ADAM11: variants seen among roughly 807,000 people sequenced by gnomAD.
ADAM11 encodes the protein disintegrin and metalloproteinase domain-containing protein 11.
Under a neutral mutation model 119.1 loss-of-function variants are expected in ADAM11, and 49 were observed. The ratio of observed to expected loss-of-function variants is 0.41; its 90% CI spans 0.33 to 0.52. ADAM11 has a LOEUF of 0.52. ADAM11 is among the 20% of genes least tolerant of loss of function. The pLI, the probability that ADAM11 is intolerant of heterozygous loss-of-function variation, is 0.20. For missense variants in ADAM11, 777 were observed against 1,047.5 expected (o/e 0.74, Z 3.56); for synonymous variants, 364 against 408.0 (o/e 0.89, Z 1.30).
At position 44,759,771 on chromosome 17, in the gene ADAM11, C is replaced by G. The variant is rs1430272335; in HGVS notation, c.111C>G (p.Pro37=). ...GAGCTCTGCGATGGGGGGGCTTACC[C>G]CAGCTGGGAGGCCCAGGAGCCCCTG... is the stretch of plus-strand genomic sequence containing the variant. ...PAGALRWGGL[P]QLGGPGAPEV... Residue 37 remains proline, a synonymous_variant, in exon 2 of 27, where the codon CCC becomes CCG. Coordinates refer to ENST00000200557, the MANE Select transcript of ADAM11 (RefSeq NM_002390.6). The G allele has an allele frequency of 6.8e-6, 9 of 1,325,332 alleles. No individual in the cohort carries two copies. The highest frequency in any genetic ancestry group is 8.7e-6 in the Non-Finnish European group (9 of 1,030,146). The allele number at this position is 1,325,332 out of a possible 1,614,324, so 82.1% of individuals were successfully genotyped here.
chr17:44,769,674 A>G (rs1280466804), intron 2 of ADAM11, 44 bp from the exon 3 acceptor site: 1 of 1,422,838 alleles, frequency 7.0e-7, no homozygotes, highest in Admixed American at 1.7e-5. Context: ...TCCCACCTTC[A>G]GGCCTCCCTG....
intron 14 of ADAM11, 43 bp downstream of exon 14, chr17:44,774,792 GGA>G: frequency 6.3e-7 from 1 of 1,585,340 alleles, no homozygotes; most frequent in African/African-American, 1.4e-5. Flanking sequence ...TTGGGCGAGG[GGA>G]GTCTTAGAGC....
Position 44,773,251 on chromosome 17 carries a change from T to A in ADAM11, c.826-10T>A, listed in dbSNP as rs745908481. ...ACTCCCACCCTCCAGCCCCCTCATC[T>A]TCTCCCCAGATATACAAGGAGCAGC... is the stretch of plus-strand genomic sequence containing the variant. On this transcript the variant is annotated splice_polypyrimidine_tract_variant and intron_variant, in intron 10 of 26. Coordinates refer to ENST00000200557, the MANE Select transcript of ADAM11 (RefSeq NM_002390.6). The surrounding 1 kb of genome is among the most constrained non-coding windows in gnomAD (Gnocchi z 4.6). 1 of 1,593,338 alleles carries A rather than the reference T, an allele frequency of 6.3e-7. No homozygotes were observed. The highest frequency in any genetic ancestry group is 8.6e-7 in the Non-Finnish European group (1 of 1,166,686).
chr17:44,773,206 C>T lies in ADAM11; in HGVS notation c.826-55C>T, dbSNP rs1001596303. 21 of 1,602,896 alleles carry T rather than the reference C, an allele frequency of 1.3e-5. No homozygotes were observed. The highest frequency in any genetic ancestry group is 1.7e-5 in the Non-Finnish European group (20 of 1,171,342). ...TGGAGAGAACAGACAGGCCCTCCTC[C>T]AGCCCTGGCCCCAACACCCACTCCC... On this transcript the variant is annotated intron_variant, in intron 10 of 26. Coordinates refer to ENST00000200557, the MANE Select transcript of ADAM11 (RefSeq NM_002390.6). The surrounding 1 kb of genome is among the most constrained non-coding windows in gnomAD (Gnocchi z 4.6).
Position 44,771,843 on chromosome 17 carries a change from AC to A in ADAM11, c.543+13del. ...GGGGAGCCCCTCAGGTAAGCCCCAC[AC>A]AACCCCTTGCCATCCTCTCTGGTGG... On this transcript the variant is annotated intron_variant, in intron 6 of 26. Coordinates refer to ENST00000200557, the MANE Select transcript of ADAM11 (RefSeq NM_002390.6). 6.3e-7 allele frequency: 1 copy of A among 1,598,654 alleles called. No individual in the cohort carries two copies. The highest frequency in any genetic ancestry group is 1.1e-5 in the South Asian group (1 of 90,622).
intron 4 of ADAM11, among the ~76,000 whole-genome samples, chr17:44,771,036 C>T (rs2049516746): frequency 6.6e-6 from 1 of 152,126 alleles, no homozygotes; most frequent in Non-Finnish European, 1.5e-5. Context: ...ATTGTTTGAA[C>T]CCGGGAGGCG....
At chr17:44,769,670 C>T in intron 2 of ADAM11, 48 bp from the exon 3 acceptor site, 1 of 1,442,168 alleles carries the variant, frequency 6.9e-7, no homozygotes, top group Non-Finnish European at 9.7e-7. Context: ...CGACTCCCAC[C>T]TTCAGGCCTC....
rs1409015310 is a variant in ADAM11, at chr17:44,780,481, AC to A, written c.*728del. The A allele has an allele frequency of 3.6e-6, 1 of 274,108 alleles. No homozygotes were observed. The highest frequency in any genetic ancestry group is 7.0e-6 in the Non-Finnish European group (1 of 141,930). The allele number at this position is 274,108 out of a possible 1,614,324, so 17.0% of individuals were successfully genotyped here. ...GGCCTAGGTTATGGGTACGGCAACC[AC>A]ATGTCCCAGATCGTCTCCAATTCGA... is the stretch of plus-strand genomic sequence containing the variant. On this transcript the variant is annotated 3_prime_UTR_variant, in exon 27 of 27. Coordinates refer to ENST00000200557, the MANE Select transcript of ADAM11 (RefSeq NM_002390.6).
intron 2 of ADAM11, among the ~76,000 whole-genome samples, chr17:44,766,314 T>C (rs2049450030): frequency 2.0e-5 from 3 of 152,198 alleles, no homozygotes; most frequent in Admixed American, 6.5e-5. Context: ...ATCCTAAGGC[T>C]CCTTAGTCTC....
In ADAM11 at chr17:44,777,582, G is replaced by C; in HGVS notation, c.1882G>C (p.Gly628Arg). 1 of 1,614,156 alleles carries C rather than the reference G, an allele frequency of 6.2e-7. No homozygotes were observed. The highest frequency in any genetic ancestry group is 1.1e-5 in the South Asian group (1 of 91,076). ...DISSVTFYHQ[G>R]KELDCRGGHV... ...CAGTAGTGTCACCTTCTACCACCAG[G>C]GCAAGGAGCTGGACTGCAGGTGCTG... Residue 628 changes from glycine (G) to arginine (R), a missense_variant, in exon 22 of 27, where the codon GGC becomes CGC. This residue lies in a region of ADAM11 where 348 missense variants were observed against 486.7 expected (regional missense o/e 0.72). Transcript: ENST00000200557. This position sits in a 1 kb window ranked among gnomAD's most constrained non-coding sequence, Gnocchi z 5.1.
At chr17:44,769,626 T>C (rs8070918) in intron 2 of ADAM11, 92 bp from the exon 3 acceptor site, 654,535 of 751,816 alleles carry the variant, frequency 0.87, 285,483 homozygotes, top group Middle Eastern at 0.91. Context: ...TGGCCACCCC[T>C]TCCCCAGGGC....
chr17:44,771,529 C>A, intron 4 of ADAM11, 55 bp from the exon 5 acceptor site: 2 of 1,563,210 alleles, frequency 1.3e-6, no homozygotes, highest in Non-Finnish European at 1.8e-6. Flanking sequence ...CCTTGAGGCC[C>A]ATTGGCTGCC....
At chr17:44,769,685 G>T (rs779923878) in intron 2 of ADAM11, 33 bp from the exon 3 acceptor site, 8 of 1,539,048 alleles carry the variant, frequency 5.2e-6, no homozygotes, top group Non-Finnish European at 7.2e-6. Flanking sequence ...GGCCTCCCTG[G>T]GTTGACTCCC....
At position 44,777,379 on chromosome 17, in the gene ADAM11, C is replaced by T. The variant is rs1223416988; in HGVS notation, c.1782-103C>T. The T allele has an allele frequency of 5.3e-6, 8 of 1,520,526 alleles. No individual in the cohort carries two copies. The highest frequency in any genetic ancestry group is 2.7e-5 in the African/African-American group (2 of 73,146). 94.2% of individuals were successfully genotyped at this position (1,520,526 alleles called of 1,614,324 possible). On this transcript the variant is annotated intron_variant, in intron 21 of 26. Transcript: ENST00000200557. The surrounding 1 kb of genome is among the most constrained non-coding windows in gnomAD (Gnocchi z 5.1). ...GCCTGTCAGTCCCAATGGGCGGGCA[C>T]GTGGCAAATGAGGTGGCAGGGTGCA...
intron 2 of ADAM11, 112 bp downstream of exon 2, chr17:44,760,009 C>T: frequency 9.1e-7 from 1 of 1,099,554 alleles, no homozygotes; most frequent in Non-Finnish European, 1.2e-6. Context: ...CGCAGGGTCC[C>T]CTTCTGTACA....
rs2049581859 is a variant in ADAM11 at position 44,775,186 on chromosome 17, G to A, written c.1221-26G>A. The A allele has an allele frequency of 6.3e-7, 1 of 1,580,316 alleles. No homozygotes were observed. Among genetic ancestry groups the A allele is most frequent in the African/African-American group, 1.3e-5 (1 of 74,330 alleles). ...AGGGTGGGTTGGAGGGGAGCAGCCA[G>A]CAGCACCTCCCCTCGCCCTATCCAG... On this transcript the variant is annotated intron_variant, in intron 14 of 26. Transcript: ENST00000200557. The surrounding 1 kb of genome is among the most constrained non-coding windows in gnomAD (Gnocchi z 7.5).
At chr17:44,767,249 G>A (rs541168263) in intron 2 of ADAM11, among the ~76,000 whole-genome samples, 2 of 151,474 alleles carry the variant, frequency 1.3e-5, no homozygotes, top group African/African-American at 2.4e-5. Flanking sequence ...CCAGCTCCTC[G>A]GGAGGCTGAG....
intron 2 of ADAM11, among the ~76,000 whole-genome samples, chr17:44,765,376 CTGA>C (rs757989382): frequency 6.6e-6 from 1 of 152,132 alleles, no homozygotes; most frequent in Non-Finnish European, 1.5e-5. Flanking sequence ...GGTGAGACAC[CTGA>C]CAGGTAAATC....
chr17:44,759,284 G>T lies in ADAM11; in HGVS notation c.61+24G>T, dbSNP rs762481952. ...CGGTGAGTGACCCCCGCCCGGCCCCGGCGCCCCCTCCCTGCCCCCGCCCCG... is the reference window on the plus strand; with the variant it reads ...CGGTGAGTGACCCCCGCCCGGCCCCTGCGCCCCCTCCCTGCCCCCGCCCCG... On this transcript the variant is annotated intron_variant, in intron 1 of 26. Coordinates refer to ENST00000200557, the MANE Select transcript of ADAM11 (RefSeq NM_002390.6). 4.4e-6 allele frequency: 6 copies of T among 1,352,298 alleles called. No individual in the cohort carries two copies. In the East Asian group the frequency reaches 1.9e-4, roughly 42 times the overall value. The allele number at this position is 1,352,298 out of a possible 1,614,324, so 83.8% of individuals were successfully genotyped here.
Sources: allele counts gnomAD v4.1 joint callset (sites outside exome capture counted in the v4.1 genomes callset), GRCh38; gene constraint gnomAD v4.1.1; regional missense constraint gnomAD v4.1.1; non-coding constraint Gnocchi (gnomAD v3.1); transcripts MANE v1.5; gene names NCBI Gene and HGNC (gene_info 2026-07-23, HGNC 2026-07-21).